Variants in BRINP3 observed in about 807,000 individuals in gnomAD.
The protein encoded by BRINP3 is BMP/retinoic acid inducible neural specific 3.
A neutral mutation model predicts 71.0 loss-of-function variants in BRINP3; 19 were observed. The ratio of observed to expected loss-of-function variants is 0.27; its 90% CI spans 0.19 to 0.39. The LOEUF is 0.39. Ranked by LOEUF, BRINP3 falls within the 10% of genes least tolerant of loss-of-function variation. The probability of loss-of-function intolerance (pLI) is 1.00; values close to 1 mark genes in which losing one functional copy is unlikely to be tolerated. For missense variants in BRINP3, 959 were observed against 940.8 expected (o/e 1.02, Z -0.25); for synonymous variants, 380 against 337.7 (o/e 1.13, Z -1.37).
intron 7 of BRINP3, among the ~76,000 whole-genome samples, chr1:190,112,616 G>A (rs2102287107): frequency 6.6e-6 from 1 of 152,196 alleles, no homozygotes; most frequent in Admixed American, 6.5e-5. Flanking sequence ...AATCTAATGT[G>A]TACTTTTTCC....
At chr1:190,242,665 G>T (rs1013686628) in intron 4 of BRINP3, among the ~76,000 whole-genome samples, 8 of 151,876 alleles carry the variant, frequency 5.3e-5, no homozygotes, top group Admixed American at 1.3e-4. Context: ...GTAGTGTTTG[G>T]TTTTTTTATT....
At chr1:190,328,486 G>T (rs1666752869) in intron 2 of BRINP3, among the ~76,000 whole-genome samples, 1 of 151,780 alleles carries the variant, frequency 6.6e-6, no homozygotes, top group Admixed American at 6.6e-5. Flanking sequence ...GATTAAATCA[G>T]AAAAGAATGG....
chr1:190,338,202 C>A (rs1667417882), intron 2 of BRINP3, among the ~76,000 whole-genome samples: 1 of 152,042 alleles, frequency 6.6e-6, no homozygotes, highest in Non-Finnish European at 1.5e-5. Flanking sequence ...CGAATGACAT[C>A]TTTTCTTTTG....
chr1:190,271,406 AATAG>A (rs796362492), intron 3 of BRINP3, among the ~76,000 whole-genome samples: 6 of 151,764 alleles, frequency 4.0e-5, no homozygotes, highest in African/African-American at 1.2e-4. Context: ...TGTAAGCTGA[AATAG>A]ATAGCTGTAA....
intron 7 of BRINP3, among the ~76,000 whole-genome samples, chr1:190,135,986 T>G (rs1654942701): frequency 6.6e-6 from 1 of 152,060 alleles, no homozygotes; most frequent in African/African-American, 2.4e-5. Context: ...TGAAATGTAC[T>G]TAAAATTAAG....
intron 4 of BRINP3, among the ~76,000 whole-genome samples, chr1:190,245,952 C>A (rs986700378): frequency 4.6e-5 from 7 of 151,840 alleles, no homozygotes; most frequent in Non-Finnish European, 1.0e-4. Context: ...TTTATGGCTG[C>A]ATAGTATTTC....
chr1:190,108,189 G>A (rs1428984665), intron 7 of BRINP3, among the ~76,000 whole-genome samples: 1 of 151,992 alleles, frequency 6.6e-6, no homozygotes, highest in Non-Finnish European at 1.5e-5. Flanking sequence ...CACTCGCAAT[G>A]CAAGAGCTTT....
chr1:190,250,044 G>A (rs886841843), intron 4 of BRINP3, among the ~76,000 whole-genome samples: 1 of 151,848 alleles, frequency 6.6e-6, no homozygotes, highest in Admixed American at 6.6e-5. Flanking sequence ...TAGCATTTCA[G>A]GGCAGAAATG....
At chr1:190,208,114 A>AT (rs113959694) in intron 6 of BRINP3, among the ~76,000 whole-genome samples, 151 of 148,110 alleles carry the variant, frequency 1.0e-3, no homozygotes, top group South Asian at 4.5e-3. Context: ...CACCTGGTTA[A>AT]TTTTTTTTTT....
intron 5 of BRINP3, among the ~76,000 whole-genome samples, chr1:190,231,613 G>A (rs1335038831): frequency 6.6e-6 from 1 of 151,718 alleles, no homozygotes; most frequent in South Asian, 2.1e-4. Context: ...GAAAAAAATT[G>A]AAGTATTATT....
At chr1:190,157,403 A>G (rs1047148258) in intron 7 of BRINP3, among the ~76,000 whole-genome samples, 3 of 152,128 alleles carry the variant, frequency 2.0e-5, no homozygotes, top group Non-Finnish European at 2.9e-5. Context: ...CTGTGAACCA[A>G]TGATTGCCGT....
At chr1:190,240,491 T>C (rs1043520121) in intron 4 of BRINP3, among the ~76,000 whole-genome samples, 5 of 152,118 alleles carry the variant, frequency 3.3e-5, no homozygotes, top group African/African-American at 1.2e-4. Flanking sequence ...CAAACAGTTG[T>C]TTAAACAAAA....
intron 2 of BRINP3, among the ~76,000 whole-genome samples, chr1:190,396,712 T>TGA (rs1335502722): frequency 0.014 from 539 of 38,302 alleles, 4 homozygotes; most frequent in Middle Eastern, 0.029. Flanking sequence ...CCTAATTTAA[T>TGA]GATATATATA....
At chr1:190,257,586 G>A (rs551582099) in intron 4 of BRINP3, among the ~76,000 whole-genome samples, 31 of 152,240 alleles carry the variant, frequency 2.0e-4, no homozygotes, top group African/African-American at 7.2e-4. Flanking sequence ...CAGCTTTTCT[G>A]CTCTGGTTTC....
At chr1:190,330,006 A>C (rs953542165) in intron 2 of BRINP3, among the ~76,000 whole-genome samples, 1 of 152,034 alleles carries the variant, frequency 6.6e-6, no homozygotes, top group African/African-American at 2.4e-5. Flanking sequence ...AAAAATTAAA[A>C]TATAAGATCT....
intron 2 of BRINP3, among the ~76,000 whole-genome samples, chr1:190,407,948 G>T (rs1672393109): frequency 6.6e-6 from 1 of 151,002 alleles, no homozygotes; most frequent in South Asian, 2.1e-4. Flanking sequence ...CTCCTCATTG[G>T]AATGTCTTTT....
At chr1:190,197,616 A>G (rs979955137) in intron 6 of BRINP3, among the ~76,000 whole-genome samples, 2 of 152,166 alleles carry the variant, frequency 1.3e-5, no homozygotes, top group South Asian at 2.1e-4. Context: ...TACAGCTCCA[A>G]AATGATCTCT....
rs941189186 is a variant in BRINP3, at chr1:190,418,358, T to C, written c.236+36297A>G. 2.6e-5 allele frequency among the ~76,000 whole-genome samples: 4 copies of C among 152,252 alleles called. No individual in the cohort carries two copies. In the South Asian group the frequency reaches 6.2e-4, roughly 24 times the overall value. ...GAGCCACTGCCCAGCCTTCTTATTC[T>C]TTTTATGAATTAAAATGTTAGTCAA... On this transcript the variant is annotated intron_variant, in intron 2 of 7. Coordinates refer to ENST00000367462, the MANE Select transcript of BRINP3 (RefSeq NM_199051.3).
In BRINP3 at chr1:190,234,478, C is replaced by T; in HGVS notation, c.619-1G>A. On this transcript the variant is annotated splice_acceptor_variant, in intron 4 of 7. Transcript: ENST00000367462. LOFTEE classifies it high-confidence loss of function. ...GAGGACCAGTCCGTGTTTCTGTTAC[C>T]TGGCAAACAAAACATCAACTTTATT... 6.2e-7 allele frequency: 1 copy of T among 1,609,156 alleles called. No individual in the cohort carries two copies. Among genetic ancestry groups the T allele is most frequent in the Non-Finnish European group, 8.5e-7 (1 of 1,176,334 alleles).
Sources: gnomAD v4.1 joint callset for allele counts (sites outside exome capture counted in the v4.1 genomes callset) on GRCh38, gnomAD v4.1.1 for gene constraint, MANE v1.5 for transcripts, NCBI Gene and HGNC (gene_info 2026-07-23, HGNC 2026-07-21) for gene names.